SMTN: variants seen among roughly 807,000 people sequenced by gnomAD.
The protein encoded by SMTN is smoothelin.
SMTN carries 58 observed loss-of-function variants against 102.0 expected under a neutral mutation model. The observed-to-expected ratio is 0.57, with a 90% CI of 0.46 to 0.71. SMTN has a LOEUF of 0.71. Among genes scored for constraint, SMTN ranks in the 30% least tolerant of loss-of-function variants. The pLI, the probability that SMTN is intolerant of heterozygous loss-of-function variation, is 0.00. For synonymous variants in SMTN, 478 were observed against 497.9 expected (o/e 0.96, Z 0.53); for missense variants, 1,185 against 1,241.7 (o/e 0.95, Z 0.69).
Position 31,089,641 on chromosome 22 carries a change from G to GT in SMTN, c.472-57dup, listed in dbSNP as rs1160568721. Reference sequence around the variant, plus strand: ...GCACTTGCCAGCCTGGCCCTCAGTGGTGGGGGTGGCGTTCAAAGCCTAGGG... The same window carrying GT: ...GCACTTGCCAGCCTGGCCCTCAGTGGTTGGGGGTGGCGTTCAAAGCCTAGGG... On this transcript the variant is annotated intron_variant, in intron 6 of 20. Transcript: ENST00000333137. The GT allele has an allele frequency of 2.0e-6, 3 of 1,503,664 alleles. No individual in the cohort carries two copies. The African/African-American group carries it at 4.1e-5, about 21-fold the overall frequency. The allele number at this position is 1,503,664 out of a possible 1,614,324, so 93.1% of individuals were successfully genotyped here.
chr22:31,089,550 G>C (rs75544945), intron 6 of SMTN, 149 bp from the exon 7 acceptor site: 24,954 of 693,900 alleles, frequency 0.036, 603 homozygotes, highest in Middle Eastern at 0.075. Flanking sequence ...GCCAGTGCCA[G>C]TGCTTGCGCA....
At chr22:31,082,963 C>G in intron 1 of SMTN, 3 of 1,479,036 alleles carry the variant, frequency 2.0e-6, no homozygotes, top group Middle Eastern at 1.7e-4. Flanking sequence ...GGCGGCCAAG[C>G]TGGCAGGGCT....
chr22:31,095,225 G>A lies in SMTN; in HGVS notation c.1633-78G>A. 3.4e-6 allele frequency: 5 copies of A among 1,472,610 alleles called. No individual in the cohort carries two copies. The highest frequency in any genetic ancestry group is 4.7e-6 in the Non-Finnish European group (5 of 1,074,172). The allele number at this position is 1,472,610 out of a possible 1,614,324, so 91.2% of individuals were successfully genotyped here. A position where few individuals can be genotyped will look rare whatever the true frequency, so the allele number is the denominator to read the frequency against. ...AGGCGTGCCAGCAACCCTAGGATCTGCTTCCCTATCCATTGGAGACATGAT... is the reference window on the plus strand; with the variant it reads ...AGGCGTGCCAGCAACCCTAGGATCTACTTCCCTATCCATTGGAGACATGAT... On this transcript the variant is annotated intron_variant, in intron 11 of 20. Coordinates refer to ENST00000333137, the MANE Select transcript of SMTN (RefSeq NM_134269.3). This position sits in a 1 kb window ranked among gnomAD's most constrained non-coding sequence, Gnocchi z 4.1.
intron 3 of SMTN, 49 bp from the exon 4 acceptor site, chr22:31,088,464 C>T (rs773932925): frequency 1.9e-6 from 3 of 1,547,414 alleles, no homozygotes; most frequent in African/African-American, 2.7e-5. Flanking sequence ...CCCACATCCT[C>T]CACGACCTGG....
At chr22:31,080,337 C>T (rs2042243792), upstream of SMTN, 1 of 152,198 alleles carries the variant, frequency 6.6e-6, no homozygotes, top group East Asian at 1.9e-4. Flanking sequence ...AGCTGTTGTC[C>T]TCATCTGTAA....
At chr22:31,082,749 CTGAG>C in intron 1 of SMTN, 2 of 964,384 alleles carry the variant, frequency 2.1e-6, no homozygotes, top group Non-Finnish European at 3.1e-6. Context: ...CAGCCAGAAG[CTGAG>C]CCTGCGGAGT....
chr22:31,084,901 C>A (rs1007404073), intron 2 of SMTN: 3 of 1,255,064 alleles, frequency 2.4e-6, no homozygotes, highest in Admixed American at 8.1e-5. Context: ...CCGCTGGCCT[C>A]GTGGCAAGAA....
In SMTN at chr22:31,095,612, A is replaced by G. The variant is rs367781139; in HGVS notation, c.1861+3A>G. The stretch of plus-strand genomic sequence containing the variant: ...TGAGCTCCGACAAAGGAAGAGAGGT[A>G]GAGAGCCAGTTGCCCTACCCTAGAT... On this transcript the variant is annotated splice_donor_region_variant and intron_variant, in intron 13 of 20. Transcript: ENST00000333137. The surrounding 1 kb of genome is among the most constrained non-coding windows in gnomAD (Gnocchi z 4.1). 4.3e-6 allele frequency: 7 copies of G among 1,611,194 alleles called. No homozygotes were observed. Among genetic ancestry groups the G allele is most frequent in the African/African-American group, 2.7e-5 (2 of 74,910 alleles).
intron 1 of SMTN, among the ~76,000 whole-genome samples, chr22:31,081,928 A>C (rs1369673517): frequency 6.6e-6 from 1 of 152,208 alleles, no homozygotes; most frequent in Non-Finnish European, 1.5e-5. Flanking sequence ...CAGAGTAACT[A>C]GGTAAGAGGC....
Position 31,089,861 on chromosome 22 carries a change from G to A in SMTN, c.634G>A (p.Ala212Thr). Residue 212 changes from alanine (A) to threonine (T), a missense_variant, in exon 7 of 21, where the codon GCC becomes ACC. Ala to Thr is a moderately conservative substitution (Grantham distance 58, BLOSUM62 0). Transcript: ENST00000333137. Reference sequence around the variant, plus strand: ...CTCACCCAGCAGTTCACCCACCCCTGCCTCTCCTGAGCCTCCATTGGAGCC... The same window carrying A: ...CTCACCCAGCAGTTCACCCACCCCTACCTCTCCTGAGCCTCCATTGGAGCC... Reference protein sequence around the residue: ...PASPSSSPTPASPEPPLEPAE... With the variant: ...PASPSSSPTPTSPEPPLEPAE... The A allele has an allele frequency of 2.5e-6, 4 of 1,613,868 alleles. No individual in the cohort carries two copies. The highest frequency in any genetic ancestry group is 2.5e-6 in the Non-Finnish European group (3 of 1,179,950).
chr22:31,082,083 G>A (rs1026505638), intron 1 of SMTN: 4 of 167,740 alleles, frequency 2.4e-5, no homozygotes, highest in Admixed American at 5.8e-5. Context: ...CCCATGCACC[G>A]TATGGGGTGA....
chr22:31,072,517 C>T (rs376103709), intron 1 of SMTN, among the ~76,000 whole-genome samples: 4 of 152,144 alleles, frequency 2.6e-5, no homozygotes, highest in African/African-American at 9.7e-5. Flanking sequence ...GGCTGGAGGG[C>T]AATGCACGAT....
Position 31,096,796 on chromosome 22 carries a change from G to T in SMTN, c.1925G>T (p.Arg642Leu). The change falls in exon 14 of 21, where the codon CGC becomes CTC. Residue 642 changes from arginine to leucine, a missense_variant. Physicochemically the swap from Arg to Leu is moderately radical, Grantham distance 102. Around this residue, in one of 2 missense-constraint regions of SMTN, gnomAD observed 1,096 missense variants for 1,112.7 expected, o/e 0.98. Transcript: ENST00000333137. ...GCACGGGGCCGGCCAGGGGAGGGGCGCGGCAACACAGCCACTGAGACCACC... is the reference window on the plus strand; with the variant it reads ...GCACGGGGCCGGCCAGGGGAGGGGCTCGGCAACACAGCCACTGAGACCACC... ...QEARGRPGEG[R>L]GNTATETTTR... 1 of 1,567,280 alleles carries T rather than the reference G, an allele frequency of 6.4e-7. No individual in the cohort carries two copies. The highest frequency in any genetic ancestry group is 8.6e-7 in the Non-Finnish European group (1 of 1,157,752).
chr22:31,099,785 G>A lies in SMTN; in HGVS notation c.2492G>A (p.Gly831Glu), dbSNP rs1378441635. 2 of 1,613,992 alleles carry A rather than the reference G, an allele frequency of 1.2e-6. No individual in the cohort carries two copies. The highest frequency in any genetic ancestry group is 2.7e-5 in the African/African-American group (2 of 74,920). ...AACTTCTCCTCCAGCTGGAGTGATG[G>A]GATGGCCTTCTGTGCCCTGGTGCAC... ...IQNFSSSWSD[G>E]MAFCALVHNF... The change falls in exon 19 of 21, where the codon GGG (glycine) becomes GAG (glutamate). Residue 831 changes from glycine (G) to glutamate (E), a missense_variant. Gly to Glu is a moderately conservative substitution (Grantham distance 98, BLOSUM62 -2). Transcript: ENST00000333137.
chr22:31,095,278 T>C lies in SMTN; in HGVS notation c.1633-25T>C. ...GTTTCACCCATACCCCTGCTTAAAG[T>C]CCATGCCCTCTCCCCACCCTGCAGA... On this transcript the variant is annotated intron_variant, in intron 11 of 20. Transcript: ENST00000333137. The surrounding 1 kb of genome is among the most constrained non-coding windows in gnomAD (Gnocchi z 4.1). 3.7e-6 allele frequency: 6 copies of C among 1,611,874 alleles called. No individual in the cohort carries two copies. Among genetic ancestry groups the C allele is most frequent in the Admixed American group, 1.7e-5 (1 of 59,956 alleles).
At chr22:31,094,257 T>C (rs373743163) in intron 11 of SMTN, among the ~76,000 whole-genome samples, 1 of 152,230 alleles carries the variant, frequency 6.6e-6, no homozygotes, top group African/African-American at 2.4e-5. Flanking sequence ...GCTAGGGAGA[T>C]GCCCTGGGAG....
chr22:31,095,371 A>C lies in SMTN; in HGVS notation c.1701A>C (p.Arg567=). ...VEAANGAEQT[R]VNKAPEGRSP... is the part of the protein sequence containing the mutation. ...CGGCCAATGGGGCTGAGCAGACCCG[A>C]GTGAACAAAGCACCAGAAGGGCGGA... The change falls in exon 12 of 21, where the codon CGA becomes CGC. Residue 567 remains arginine (R), a synonymous_variant. Coordinates refer to ENST00000333137, the MANE Select transcript of SMTN (RefSeq NM_134269.3). This position sits in a 1 kb window ranked among gnomAD's most constrained non-coding sequence, Gnocchi z 4.1. 10 of 1,614,258 alleles carry C rather than the reference A, an allele frequency of 6.2e-6. No homozygotes were observed. The highest frequency in any genetic ancestry group is 8.5e-6 in the Non-Finnish European group (10 of 1,180,044).
Position 31,091,102 on chromosome 22 carries a change from C to G in SMTN, c.1079C>G (p.Thr360Ser), listed in dbSNP as rs1026267206. ...GTPQAALSPL[T>S]PARLLGPSLT... Reference sequence around the variant, plus strand: ...CCCCAGGCTGCCCTAAGTCCCCTGACCCCCGCAAGGCTCCTGGGCCCCTCC... The same window carrying G: ...CCCCAGGCTGCCCTAAGTCCCCTGAGCCCCGCAAGGCTCCTGGGCCCCTCC... The change falls in exon 10 of 21, where the codon ACC becomes AGC. Residue 360 changes from threonine (T) to serine (S), a missense_variant. Thr to Ser is a moderately conservative substitution (Grantham distance 58, BLOSUM62 1). Transcript: ENST00000333137. The G allele has an allele frequency of 1.2e-6, 2 of 1,613,998 alleles. No homozygotes were observed. Among genetic ancestry groups the G allele is most frequent in the Non-Finnish European group, 1.7e-6 (2 of 1,179,952 alleles).
At chr22:31,087,089 C>A (rs11703938) in intron 2 of SMTN, 5,156 of 152,366 alleles carry the variant, frequency 0.034, 113 homozygotes, top group Middle Eastern at 0.088. Context: ...CCAGGGGAAC[C>A]CTGGGCCAGT....
Sources: gnomAD v4.1 joint callset for allele counts (sites outside exome capture counted in the v4.1 genomes callset) on GRCh38, gnomAD v4.1.1 for gene constraint, gnomAD v4.1.1 regional missense constraint, Gnocchi (gnomAD v3.1) non-coding constraint, MANE v1.5 for transcripts, NCBI Gene and HGNC (gene_info 2026-07-23, HGNC 2026-07-21) for gene names.